NRXN3: variants seen among roughly 807,000 people sequenced by gnomAD.
NRXN3 encodes neurexin 3.
Under a neutral mutation model 137.6 loss-of-function variants are expected in NRXN3, and 32 were observed. That is an observed-to-expected ratio of 0.23 (90% confidence interval 0.18 to 0.31). NRXN3 has a LOEUF of 0.31. Among genes scored for constraint, NRXN3 ranks in the 10% least tolerant of loss-of-function variants. The probability of loss-of-function intolerance (pLI) is 1.00; values close to 1 mark genes in which losing one functional copy is unlikely to be tolerated. For missense variants in NRXN3, 1,574 were observed against 2,062.5 expected, an observed-to-expected ratio of 0.76 and a Z score of 4.59; for synonymous variants, 798 against 784.5, an observed-to-expected ratio of 1.02 and a Z score of -0.29.
At chr14:78,432,798 G>A (rs2093936744) in intron 4 of NRXN3, among the ~76,000 whole-genome samples, 1 of 152,292 alleles carries the variant, frequency 6.6e-6, no homozygotes, top group Admixed American at 6.5e-5. Flanking sequence ...TCTGACCAAT[G>A]GGGAAACTGT....
intron 1 of NRXN3, among the ~76,000 whole-genome samples, chr14:78,201,089 C>T (rs1315856952): frequency 6.6e-6 from 1 of 152,132 alleles, no homozygotes. Context: ...ATGCTGGAAG[C>T]AGAAGTGTTG....
At chr14:78,744,843 A>G (rs1472926054) in intron 8 of NRXN3, 2 of 152,246 alleles carry the variant, frequency 1.3e-5, no homozygotes, top group East Asian at 3.9e-4. Flanking sequence ...CAACTGGGGC[A>G]TGTAGGGGCA....
intron 15 of NRXN3, among the ~76,000 whole-genome samples, chr14:79,122,536 A>G (rs2152926201): frequency 6.6e-6 from 1 of 152,342 alleles, no homozygotes; most frequent in South Asian, 2.1e-4. Context: ...TTTTCTGAAA[A>G]GACATTCTAA....
intron 4 of NRXN3, among the ~76,000 whole-genome samples, chr14:78,364,414 A>G (rs2085590286): frequency 6.6e-6 from 1 of 152,248 alleles, no homozygotes; most frequent in South Asian, 2.1e-4. Flanking sequence ...CAACAGTTTC[A>G]AAAACAAGGC....
chr14:79,711,096 T>A (rs1366031211), intron 19 of NRXN3, among the ~76,000 whole-genome samples: 1 of 152,186 alleles, frequency 6.6e-6, no homozygotes. Flanking sequence ...CAATATATGT[T>A]TTGACTAAAA....
chr14:79,096,353 G>A (rs544285607), intron 15 of NRXN3, among the ~76,000 whole-genome samples: 21 of 151,786 alleles, frequency 1.4e-4, no homozygotes, highest in Non-Finnish European at 2.4e-4. Context: ...CAGGCAATCC[G>A]CTCACCTTGG....
At chr14:79,631,535 G>A (rs112740048) in intron 16 of NRXN3, among the ~76,000 whole-genome samples, 25 of 152,368 alleles carry the variant, frequency 1.6e-4, no homozygotes, top group South Asian at 6.2e-4. Flanking sequence ...CGCACTGGGC[G>A]CAGCCGGCTG....
chr14:78,718,846 G>C (rs2098446472), intron 8 of NRXN3, among the ~76,000 whole-genome samples: 1 of 152,184 alleles, frequency 6.6e-6, no homozygotes, highest in African/African-American at 2.4e-5. Context: ...GCAAAGGCCT[G>C]TTTTAACTAC....
rs114838353 is a variant in NRXN3 at position 78,605,420 on chromosome 14, G to A, written c.758-39700G>A. Among the ~76,000 whole-genome samples the A allele has an allele frequency of 3.8e-3, 586 of 152,242 alleles. 5 individuals are homozygous for A. The highest frequency in any genetic ancestry group is 0.013 in the African/African-American group (533 of 41,552). ...AAAGAAATTCTATTTGAGTAATGCC[G>A]TTGAAATATTAAAAGAAATTCAGAG... On this transcript the variant is annotated intron_variant, in intron 4 of 20. Transcript: ENST00000335750.
chr14:78,538,014 C>T (rs570122496), intron 4 of NRXN3, among the ~76,000 whole-genome samples: 8 of 152,094 alleles, frequency 5.3e-5, no homozygotes, highest in Non-Finnish European at 1.2e-4. Context: ...TTACTATAGC[C>T]TTGTACTATA....
intron 4 of NRXN3, among the ~76,000 whole-genome samples, chr14:78,556,886 TTCTCC>T (rs2096742395): frequency 1.6e-5 from 2 of 128,758 alleles, no homozygotes; most frequent in African/African-American, 2.9e-5. Context: ...CTCTCCCCTC[TTCTCC>T]TCTCCTCTCC....
At chr14:78,601,738 G>A (rs574939602) in intron 4 of NRXN3, among the ~76,000 whole-genome samples, 1 of 152,302 alleles carries the variant, frequency 6.6e-6, no homozygotes, top group African/African-American at 2.4e-5. Flanking sequence ...ACAGGTGTGA[G>A]CCACTGTGCC....
At chr14:78,426,142 T>C (rs1297151596) in intron 4 of NRXN3, among the ~76,000 whole-genome samples, 1 of 152,174 alleles carries the variant, frequency 6.6e-6, no homozygotes, top group Non-Finnish European at 1.5e-5. Flanking sequence ...TCAACTTAGC[T>C]GTCTTTTCAA....
intron 4 of NRXN3, among the ~76,000 whole-genome samples, chr14:78,323,113 G>A (rs577636981): frequency 6.6e-6 from 1 of 152,176 alleles, no homozygotes; most frequent in South Asian, 2.1e-4. Flanking sequence ...CAATGCTTGG[G>A]TGGGGGATAA....
At chr14:78,602,059 A>C (rs1050383159) in intron 4 of NRXN3, among the ~76,000 whole-genome samples, 1 of 152,146 alleles carries the variant, frequency 6.6e-6, no homozygotes, top group African/African-American at 2.4e-5. Context: ...GCTGTTCTGC[A>C]TGCATCACTG....
chr14:78,308,093 G>T (rs574722326), intron 4 of NRXN3, among the ~76,000 whole-genome samples: 154 of 149,336 alleles, frequency 1.0e-3, no homozygotes, highest in African/African-American at 3.5e-3. Flanking sequence ...ACATTTTCTT[G>T]TTTTTTTTTT....
At chr14:79,750,127 G>A (rs12435099) in intron 19 of NRXN3, among the ~76,000 whole-genome samples, 80,634 of 151,908 alleles carry the variant, frequency 0.53, 21,974 homozygotes, top group Middle Eastern at 0.65. Flanking sequence ...GGGCAGCAGA[G>A]AAGGACTGGA....
intron 19 of NRXN3, among the ~76,000 whole-genome samples, chr14:79,798,100 C>T (rs1333975092): frequency 1.4e-5 from 2 of 139,764 alleles, no homozygotes; most frequent in Non-Finnish European, 3.1e-5. Context: ...GACCCTGTCT[C>T]AAGGAAAAAA....
intron 6 of NRXN3, among the ~76,000 whole-genome samples, chr14:78,668,209 C>CATTG (rs2097904237): frequency 6.6e-6 from 1 of 152,124 alleles, no homozygotes; most frequent in Non-Finnish European, 1.5e-5. Context: ...TGATGATCAC[C>CATTG]AGTGTCCCAT....
Sources: allele counts gnomAD v4.1 joint callset (sites outside exome capture counted in the v4.1 genomes callset), GRCh38; gene constraint gnomAD v4.1.1; transcripts MANE v1.5; gene names NCBI Gene and HGNC (gene_info 2026-07-23, HGNC 2026-07-21).